PMS2: variants seen among roughly 807,000 people sequenced by gnomAD.
PMS2 encodes PMS1 homolog 2, mismatch repair system component, also known as mismatch repair endonuclease PMS2.
PMS2 carries 69 observed loss-of-function variants against 90.0 expected under a neutral mutation model. That is an observed-to-expected ratio of 0.77 (90% CI 0.63 to 0.94). PMS2 has a LOEUF of 0.94. Ranked by LOEUF, PMS2 falls within the 40% of genes least tolerant of loss-of-function variation. The pLI, the probability that PMS2 is intolerant of heterozygous loss-of-function variation, is 0.00. For synonymous variants in PMS2, 332 were observed against 375.1 expected, an observed-to-expected ratio of 0.89 and a Z score of 1.33; for missense variants, 966 against 1,040.2, an observed-to-expected ratio of 0.93 and a Z score of 0.98.
rs775838917 is a variant in PMS2 at position 5,999,100 on chromosome 7, A to G, written c.705+8T>C. The stretch of plus-strand genomic sequence containing the variant: ...ATAAGAGGCGTTGAAGTAACCGGCC[A>G]TCACTACCTGCTTCTGCCCAAACAC... On this transcript the variant is annotated splice_region_variant and intron_variant, in intron 6 of 14. Coordinates refer to ENST00000265849, the MANE Select transcript of PMS2 (RefSeq NM_000535.7). The G allele has an allele frequency of 1.9e-6, 3 of 1,613,876 alleles. No individual in the cohort carries two copies. The highest frequency in any genetic ancestry group is 2.5e-6 in the Non-Finnish European group (3 of 1,179,948).
intron 10 of PMS2, among the ~76,000 whole-genome samples, chr7:5,988,957 G>A (rs767954116): frequency 5.8e-4 from 88 of 152,172 alleles, no homozygotes; most frequent in Admixed American, 1.3e-3. Context: ...CCGGGTTCAC[G>A]CCATTCTCCT....
intron 2 of PMS2, among the ~76,000 whole-genome samples, chr7:6,004,998 A>C (rs1353785892): frequency 6.7e-6 from 1 of 149,208 alleles, no homozygotes. Flanking sequence ...TCCACCTCCC[A>C]GGTTCAAGCA....
chr7:5,992,965 T>C (rs1783932420), intron 8 of PMS2, among the ~76,000 whole-genome samples: 1 of 152,184 alleles, frequency 6.6e-6, no homozygotes, highest in Admixed American at 6.5e-5. Flanking sequence ...TAAACCAAAA[T>C]ATCACATTAT....
rs746034469 is a variant in PMS2 at position 6,005,882 on chromosome 7, C to A, written c.163+10G>T. The A allele has an allele frequency of 1.2e-6, 2 of 1,610,692 alleles. No homozygotes were observed. Among genetic ancestry groups the A allele is most frequent in the Non-Finnish European group, 1.7e-6 (2 of 1,179,814 alleles). ...TCATTTCTTGTGGCTTAAAACTCTC[C>A]CAAACTTACCAATATTAGTGGCACC... On this transcript the variant is annotated intron_variant, in intron 2 of 14. Transcript: ENST00000265849.
intron 8 of PMS2, among the ~76,000 whole-genome samples, chr7:5,994,392 C>CAAA (rs1444059948): frequency 5.3e-5 from 8 of 151,484 alleles, no homozygotes; most frequent in African/African-American, 1.5e-4. Context: ...AAAAAAAACC[C>CAAA]AAAAAACAAC....
rs757845032 is a variant in PMS2 at position 6,009,033 on chromosome 7, G to A, written c.-14C>T. ...AGCTCGCTCCATGGATGCAACACCC[G>A]ATCCGCCTCGGGGACTGGGAAAGTT... On this transcript the variant is annotated 5_prime_UTR_variant, in exon 1 of 15. Coordinates refer to ENST00000265849, the MANE Select transcript of PMS2 (RefSeq NM_000535.7). 2.5e-6 allele frequency: 4 copies of A among 1,612,404 alleles called. No homozygotes were observed. The highest frequency in any genetic ancestry group is 3.4e-6 in the Non-Finnish European group (4 of 1,179,752).
chr7:6,006,895 C>T (rs1417485698), intron 1 of PMS2, among the ~76,000 whole-genome samples: 4 of 152,072 alleles, frequency 2.6e-5, no homozygotes, highest in African/African-American at 9.7e-5. Flanking sequence ...TTATTCCCTG[C>T]TCCAATACAT....
chr7:5,999,380 A>C, intron 5 of PMS2, 105 bp from the exon 6 acceptor site: 1 of 976,654 alleles, frequency 1.0e-6, no homozygotes, highest in Non-Finnish European at 1.6e-6. Flanking sequence ...TCATCGCACA[A>C]ATCAAGGGAA....
At chr7:5,998,826 C>T (rs1322773110) in intron 6 of PMS2, among the ~76,000 whole-genome samples, 3 of 151,854 alleles carry the variant, frequency 2.0e-5, no homozygotes, top group Admixed American at 2.0e-4. Flanking sequence ...CCCGTCTCTA[C>T]TAAAGATACA....
chr7:5,992,282 G>A (rs567346291), intron 8 of PMS2, among the ~76,000 whole-genome samples: 89 of 149,564 alleles, frequency 6.0e-4, no homozygotes, highest in Non-Finnish European at 1.0e-3. Context: ...ATCCTCCTGT[G>A]TCAGCCTGAC....
chr7:6,008,207 A>G (rs1302582996), intron 1 of PMS2, among the ~76,000 whole-genome samples: 1 of 152,034 alleles, frequency 6.6e-6, no homozygotes, highest in Non-Finnish European at 1.5e-5. Flanking sequence ...ACAGACCCCA[A>G]ATTTATTTAA....
intron 5 of PMS2, among the ~76,000 whole-genome samples, chr7:6,001,447 C>T (rs1191731217): frequency 1.3e-5 from 2 of 151,386 alleles, no homozygotes; most frequent in Non-Finnish European, 2.9e-5. Flanking sequence ...CTCGGCTCAC[C>T]GCAACCTCTG....
At chr7:6,004,847 G>T (rs1024681124) in intron 2 of PMS2, among the ~76,000 whole-genome samples, 1 of 151,952 alleles carries the variant, frequency 6.6e-6, no homozygotes, top group Non-Finnish European at 1.5e-5. Context: ...AGAATAATAA[G>T]TTCTATCTCA....
intron 6 of PMS2, among the ~76,000 whole-genome samples, chr7:5,997,843 T>C (rs1385273472): frequency 6.6e-6 from 1 of 152,056 alleles, no homozygotes; most frequent in Non-Finnish European, 1.5e-5. Context: ...ATCCCAACAG[T>C]TTCCTCTCCC....
intron 6 of PMS2, 91 bp from the exon 7 acceptor site, chr7:5,997,514 T>C: frequency 1.3e-6 from 1 of 763,756 alleles, no homozygotes; most frequent in Non-Finnish European, 2.2e-6. Flanking sequence ...CTATTGACAT[T>C]ACAAGCGCAA....
intron 11 of PMS2, among the ~76,000 whole-genome samples, chr7:5,984,807 A>G (rs1782684381): frequency 1.3e-5 from 2 of 151,448 alleles, no homozygotes; most frequent in African/African-American, 4.9e-5. Flanking sequence ...AAAGGAGCTG[A>G]TATTGTTGTT....
intron 5 of PMS2, 130 bp downstream of exon 5, chr7:6,002,323 A>G: frequency 1.4e-6 from 1 of 713,892 alleles, no homozygotes; most frequent in African/African-American, 1.8e-5. Flanking sequence ...ATCTTTAATG[A>G]GAAATGCAAA....
At chr7:5,991,387 A>C (rs756018781) in intron 9 of PMS2, among the ~76,000 whole-genome samples, 1 of 151,936 alleles carries the variant, frequency 6.6e-6, no homozygotes, top group Non-Finnish European at 1.5e-5. Context: ...AAATTTTAAC[A>C]ATCAGAAAAA....
At chr7:5,982,559 A>G (rs1782402103) in intron 12 of PMS2, among the ~76,000 whole-genome samples, 2 of 151,882 alleles carry the variant, frequency 1.3e-5, no homozygotes, top group African/African-American at 4.8e-5. Context: ...CTGGTCTCCA[A>G]CTCCTGACCT....
Sources: allele counts gnomAD v4.1 joint callset (sites outside exome capture counted in the v4.1 genomes callset), GRCh38; gene constraint gnomAD v4.1.1; transcripts MANE v1.5; gene names NCBI Gene and HGNC (gene_info 2026-07-23, HGNC 2026-07-21).